Variants in MIA2 observed in about 807,000 individuals in gnomAD.
MIA2 encodes melanoma inhibitory activity protein 2.
A neutral mutation model predicts 167.8 loss-of-function variants in MIA2; 127 were observed. The ratio of observed to expected loss-of-function variants is 0.76; its 90% CI spans 0.66 to 0.88. The LOEUF (loss-of-function observed/expected upper bound fraction) is 0.88. Ranked by LOEUF, MIA2 falls within the 40% of genes least tolerant of loss-of-function variation. The pLI is 0.00. For synonymous variants in MIA2, 552 were observed against 541.9 expected, an observed-to-expected ratio of 1.02 and a Z score of -0.26; for missense variants, 1,690 against 1,624.7, an observed-to-expected ratio of 1.04 and a Z score of -0.69.
At chr14:39,257,400 T>C (rs1290408711) in intron 6 of MIA2, among the ~76,000 whole-genome samples, 1 of 152,178 alleles carries the variant, frequency 6.6e-6, no homozygotes, top group Non-Finnish European at 1.5e-5. Flanking sequence ...AGACTAGGAT[T>C]GCAACCCTCC....
intron 25 of MIA2, among the ~76,000 whole-genome samples, chr14:39,345,197 A>T (rs1205129890): frequency 1.3e-5 from 2 of 151,996 alleles, no homozygotes; most frequent in Non-Finnish European, 2.9e-5. Context: ...CTTCTGCCTC[A>T]GTCTCCCGAG....
chr14:39,314,239 T>A (rs752735812), intron 19 of MIA2, among the ~76,000 whole-genome samples: 5 of 151,946 alleles, frequency 3.3e-5, no homozygotes, highest in Non-Finnish European at 7.4e-5. Flanking sequence ...TACAAAAAAT[T>A]AGTTGGTCGT....
At chr14:39,385,683 A>G (rs2075261642) in intron 23 of MIA2, 6 of 978,342 alleles carry the variant, frequency 6.1e-6, no homozygotes, top group Non-Finnish European at 1.0e-5. Flanking sequence ...CTTCAACTTG[A>G]GGGGCAGCTG....
intron 6 of MIA2, chr14:39,269,073 AGTTT>A (rs2056599473): frequency 1.7e-4 from 60 of 361,998 alleles, no homozygotes; most frequent in Non-Finnish European, 1.9e-4. Flanking sequence ...TCACCTGCAC[AGTTT>A]TTTTTTTTTT....
At chr14:39,386,539 T>C in intron 23 of MIA2, 1 of 1,321,608 alleles carries the variant, frequency 7.6e-7, no homozygotes, top group South Asian at 1.3e-5. Context: ...TTCTCCTTTT[T>C]CTTTGGTGAT....
intron 9 of MIA2, among the ~76,000 whole-genome samples, chr14:39,285,253 A>G (rs1184175191): frequency 6.6e-6 from 1 of 151,998 alleles, no homozygotes; most frequent in East Asian, 1.9e-4. Flanking sequence ...CCCGTTCTCA[A>G]TGAGCTGTTG....
intron 23 of MIA2, among the ~76,000 whole-genome samples, chr14:39,367,836 T>TC (rs2074855524): frequency 1.3e-5 from 2 of 149,158 alleles, no homozygotes; most frequent in Admixed American, 6.7e-5. Context: ...GGTTTTTTTT[T>TC]CCAAATATTG....
At chr14:39,300,991 CACATATAT>C (rs2062365976) in intron 14 of MIA2, among the ~76,000 whole-genome samples, 1 of 147,314 alleles carries the variant, frequency 6.8e-6, no homozygotes, top group Admixed American at 6.8e-5. Context: ...TACATATATA[CACATATAT>C]ACATATATAC....
chr14:39,382,525 G>C (rs2075186174), intron 23 of MIA2, among the ~76,000 whole-genome samples: 2 of 152,206 alleles, frequency 1.3e-5, no homozygotes, highest in Admixed American at 1.3e-4. Flanking sequence ...AAGCAGGCTG[G>C]AGGGGAAATT....
At chr14:39,252,583 G>A (rs1366011255) in intron 4 of MIA2, among the ~76,000 whole-genome samples, 165 bp from the exon 5 acceptor site, 2 of 152,110 alleles carry the variant, frequency 1.3e-5, no homozygotes, top group African/African-American at 4.8e-5. Flanking sequence ...ACTAGCAATA[G>A]GAACTAATAC....
chr14:39,238,415 C>T (rs2053866855), intron 2 of MIA2, among the ~76,000 whole-genome samples: 1 of 151,984 alleles, frequency 6.6e-6, no homozygotes, highest in Non-Finnish European at 1.5e-5. Flanking sequence ...TCAGGTGATC[C>T]ACCTGCCTTG....
downstream of MIA2, among the ~76,000 whole-genome samples, chr14:39,351,585 A>G (rs1193887324): frequency 6.6e-6 from 1 of 152,100 alleles, no homozygotes; most frequent in African/African-American, 2.4e-5. Flanking sequence ...TGATTAAGTT[A>G]TGGGGGTGGA....
chr14:39,266,605 G>A, intron 6 of MIA2: 1 of 985,498 alleles, frequency 1.0e-6, no homozygotes, highest in African/African-American at 1.7e-5. Context: ...GAGCCGGGAC[G>A]CCTTCCTGTC....
chr14:39,296,281 C>T (rs1243975792), intron 13 of MIA2, among the ~76,000 whole-genome samples: 2 of 151,994 alleles, frequency 1.3e-5, no homozygotes, highest in African/African-American at 4.8e-5. Context: ...TCTTGTTTCT[C>T]ATACTTGTTG....
intron 25 of MIA2, among the ~76,000 whole-genome samples, chr14:39,335,675 T>C (rs2070219876): frequency 6.6e-6 from 1 of 152,200 alleles, no homozygotes; most frequent in Non-Finnish European, 1.5e-5. Flanking sequence ...TATTGCATGA[T>C]ACTGAAGTTT....
In MIA2 at chr14:39,247,756, A is replaced by G; in HGVS notation, c.1182A>G (p.Lys394=). 1 of 1,613,542 alleles carries G rather than the reference A, an allele frequency of 6.2e-7. No individual in the cohort carries two copies. The highest frequency in any genetic ancestry group is 8.5e-7 in the Non-Finnish European group (1 of 1,179,902). The change falls in exon 4 of 29, where the codon AAA becomes AAG. Residue 394 remains lysine, a synonymous_variant. Coordinates refer to ENST00000640607, the MANE Select transcript of MIA2 (RefSeq NM_001329214.4). Reference sequence around the variant, plus strand: ...GCTTTGCATATGCCAAGGAAGATAAAATTATGTTAGATGACAGGAAAAATG... The same window carrying G: ...GCTTTGCATATGCCAAGGAAGATAAGATTATGTTAGATGACAGGAAAAATG... The part of the protein sequence containing the change: ...ILGFAYAKED[K]IMLDDRKNEE...
At chr14:39,281,147 A>G (rs2058870020) in intron 9 of MIA2, among the ~76,000 whole-genome samples, 1 of 150,660 alleles carries the variant, frequency 6.6e-6, no homozygotes, top group South Asian at 2.1e-4. Context: ...CTGGTCTCGA[A>G]CTCCTGGGTT....
intron 23 of MIA2, among the ~76,000 whole-genome samples, chr14:39,371,554 A>G (rs1222010275): frequency 2.0e-5 from 3 of 152,200 alleles, no homozygotes; most frequent in Admixed American, 6.5e-5. Context: ...TGCTTTTTCA[A>G]ATTAGCAGCT....
At chr14:39,263,540 C>G (rs1216110067) in intron 6 of MIA2, among the ~76,000 whole-genome samples, 1 of 146,784 alleles carries the variant, frequency 6.8e-6, no homozygotes, top group Non-Finnish European at 1.5e-5. Context: ...CAGCATCTTT[C>G]TTTTCTTTTC....
Sources: allele counts gnomAD v4.1 joint callset (sites outside exome capture counted in the v4.1 genomes callset), GRCh38; gene constraint gnomAD v4.1.1; transcripts MANE v1.5; gene names NCBI Gene and HGNC (gene_info 2026-07-23, HGNC 2026-07-21).